BAZ1A: variants seen among roughly 807,000 people sequenced by gnomAD.
The protein encoded by BAZ1A is bromodomain adjacent to zinc finger domain 1A.
BAZ1A carries 50 observed loss-of-function variants against 185.2 expected under a neutral mutation model. That is an observed-to-expected ratio of 0.27 (90% CI 0.22 to 0.34). The LOEUF (loss-of-function observed/expected upper bound fraction) is 0.34. Ranked by LOEUF, BAZ1A falls within the 10% of genes least tolerant of loss-of-function variation. The probability of loss-of-function intolerance (pLI) is 1.00; values close to 1 mark genes in which losing one functional copy is unlikely to be tolerated. For missense variants in BAZ1A, 1,356 were observed against 1,839.9 expected, an observed-to-expected ratio of 0.74 and a Z score of 4.81; for synonymous variants, 571 against 615.6, an observed-to-expected ratio of 0.93 and a Z score of 1.07.
chr14:34,843,158 T>G (rs1330579088), intron 3 of BAZ1A, among the ~76,000 whole-genome samples: 2 of 151,814 alleles, frequency 1.3e-5, no homozygotes, highest in Non-Finnish European at 2.9e-5. Flanking sequence ...GCTGGCAGAT[T>G]CTTCACTTGT....
intron 4 of BAZ1A, among the ~76,000 whole-genome samples, chr14:34,825,482 TG>T (rs2042153939): frequency 1.2e-5 from 1 of 80,724 alleles, no homozygotes; most frequent in Non-Finnish European, 2.7e-5. Flanking sequence ...AAAAAGAGGG[TG>T]GGGGAGATGT....
chr14:34,767,228 C>T (rs767116973), intron 21 of BAZ1A, among the ~76,000 whole-genome samples: 1 of 152,166 alleles, frequency 6.6e-6, no homozygotes, highest in Non-Finnish European at 1.5e-5. Flanking sequence ...GCTTCACTCT[C>T]CCTGTCAACT....
At chr14:34,805,195 G>T (rs1177704957) in intron 6 of BAZ1A, among the ~76,000 whole-genome samples, 2 of 152,294 alleles carry the variant, frequency 1.3e-5, no homozygotes, top group East Asian at 3.9e-4. Flanking sequence ...ACTGTGAGCC[G>T]ATTAAACCTC....
intron 12 of BAZ1A, among the ~76,000 whole-genome samples, chr14:34,790,068 T>G (rs1224891939): frequency 6.6e-6 from 1 of 152,180 alleles, no homozygotes; most frequent in African/African-American, 2.4e-5. Flanking sequence ...CTTCAGTAAC[T>G]ATGTAAAATG....
chr14:34,779,520 T>TTCTA (rs1879901619), intron 17 of BAZ1A, among the ~76,000 whole-genome samples: 1 of 152,118 alleles, frequency 6.6e-6, no homozygotes, highest in Non-Finnish European at 1.5e-5. Context: ...ACAGGAAATT[T>TTCTA]TCTATCTACT....
At chr14:34,835,711 T>A (rs1477346232) in intron 3 of BAZ1A, among the ~76,000 whole-genome samples, 1 of 151,226 alleles carries the variant, frequency 6.6e-6, no homozygotes, top group Non-Finnish European at 1.5e-5. Flanking sequence ...TCTCTCTTGT[T>A]GCCAGGCTGG....
chr14:34,771,604 G>T lies in BAZ1A; in HGVS notation c.3208C>A (p.Pro1070Thr). The part of the protein sequence containing the change: ...PSTVSTNAST[P>T]QSVSSVVHYL... ...TGAACCACACTGCTCACTGATTGTG[G>T]TGTACTTGCATTTGTTGATACAGTA... Residue 1070 changes from proline to threonine, a missense_variant, in exon 21 of 27, where the codon CCA (proline) becomes ACA (threonine). Pro to Thr is a conservative substitution (Grantham distance 38). Transcript: ENST00000360310. 6.2e-7 allele frequency: 1 copy of T among 1,614,032 alleles called. No homozygotes were observed. The highest frequency in any genetic ancestry group is 8.5e-7 in the Non-Finnish European group (1 of 1,179,966).
At chr14:34,844,781 A>ACACACACACACACACACGCG (rs2042480732) in intron 3 of BAZ1A, among the ~76,000 whole-genome samples, 1 of 8,552 alleles carries the variant, frequency 1.2e-4, no homozygotes. Flanking sequence ...ACACGCGCAC[A>ACACACACACACACACACGCG]CACACACACA....
At chr14:34,785,644 T>C in intron 14 of BAZ1A, 133 bp downstream of exon 14, 1 of 688,112 alleles carries the variant, frequency 1.5e-6, no homozygotes, top group Non-Finnish European at 2.4e-6. Flanking sequence ...ATATGAATAA[T>C]AACAATAGTT....
At chr14:34,771,002 T>G (rs1953431) in intron 21 of BAZ1A, among the ~76,000 whole-genome samples, 23,037 of 151,946 alleles carry the variant, frequency 0.15, 1,996 homozygotes, top group Admixed American at 0.27. Context: ...GTTTTGGTGA[T>G]CTTTTTTTTC....
intron 18 of BAZ1A, 126 bp downstream of exon 18, chr14:34,775,793 A>T (rs1030387728): frequency 5.2e-5 from 37 of 709,658 alleles, no homozygotes; most frequent in Non-Finnish European, 7.7e-5. Context: ...AACTAAAAGG[A>T]CAGCCTAAAT....
chr14:34,829,203 T>A (rs2138723550), intron 3 of BAZ1A, among the ~76,000 whole-genome samples: 2 of 148,530 alleles, frequency 1.3e-5, no homozygotes, highest in Admixed American at 1.4e-4. Context: ...GAGGTGGAAG[T>A]TGCAGTGAGC....
intron 12 of BAZ1A, 104 bp downstream of exon 12, chr14:34,792,671 T>C (rs1594845735): frequency 7.7e-7 from 1 of 1,303,076 alleles, no homozygotes; most frequent in East Asian, 2.4e-5. Context: ...TGAACAACTA[T>C]ATTTTATAAG....
intron 12 of BAZ1A, among the ~76,000 whole-genome samples, chr14:34,787,363 A>AAAAACAGAAAAG (rs1555339668): frequency 1.8e-5 from 2 of 112,798 alleles, no homozygotes; most frequent in South Asian, 5.9e-4. Context: ...AAAAAAAAAA[A>AAAAACAGAAAAG]AAAAAGAAAA....
At chr14:34,840,475 T>C (rs1207832105) in intron 3 of BAZ1A, among the ~76,000 whole-genome samples, 1 of 152,072 alleles carries the variant, frequency 6.6e-6, no homozygotes, top group Non-Finnish European at 1.5e-5. Flanking sequence ...ATGATAAAAT[T>C]AGGCTGGGCG....
At chr14:34,764,466 ATTT>A (rs1240260254) in intron 23 of BAZ1A, among the ~76,000 whole-genome samples, 1 of 151,192 alleles carries the variant, frequency 6.6e-6, no homozygotes, top group Non-Finnish European at 1.5e-5. Context: ...TAATTTTTCA[ATTT>A]TTAGTAGAGA....
chr14:34,806,060 G>A (rs1332761713), intron 6 of BAZ1A, among the ~76,000 whole-genome samples: 2 of 151,186 alleles, frequency 1.3e-5, no homozygotes, highest in Non-Finnish European at 2.9e-5. Context: ...ATTAAAATTT[G>A]TTTCATTTCT....
Position 34,802,986 on chromosome 14 carries a change from T to C in BAZ1A, c.729A>G (p.Ala243=). ...EPQDGVIKIK[A]SSLSTYKIAE... The stretch of plus-strand genomic sequence containing the variant: ...CTATTTTATACGTTGAAAGAGATGA[T>C]GCCTTAATAAAACAAAGACATAGGG... The change falls in exon 7 of 27, where the codon GCA becomes GCG. Residue 243 remains alanine (A), a splice_region_variant and synonymous_variant. Transcript: ENST00000360310. 6.2e-7 allele frequency: 1 copy of C among 1,609,620 alleles called. No individual in the cohort carries two copies. Among genetic ancestry groups the C allele is most frequent in the Middle Eastern group, 1.7e-4 (1 of 6,050 alleles).
Position 34,799,617 on chromosome 14 carries a change from AT to A in BAZ1A, c.1128+606del, listed in dbSNP as rs879332505. ...TTCAAGTAGGATAAGAACATTATTC[AT>A]TTTTTTTTTTTGAGACGGAGTCTTG... On this transcript the variant is annotated intron_variant, in intron 9 of 26. Coordinates refer to ENST00000360310, the MANE Select transcript of BAZ1A (RefSeq NM_013448.3). Among the ~76,000 whole-genome samples, 1,360 of 145,882 alleles carry A rather than the reference AT, an allele frequency of 9.3e-3. 13 individuals are homozygous for A. The highest frequency in any genetic ancestry group is 0.031 in the African/African-American group (1,238 of 40,030).
Sources: allele counts gnomAD v4.1 joint callset (sites outside exome capture counted in the v4.1 genomes callset), GRCh38; gene constraint gnomAD v4.1.1; transcripts MANE v1.5; gene names NCBI Gene and HGNC (gene_info 2026-07-23, HGNC 2026-07-21).